The following OTOGL variants were observed in gnomAD, a reference collection of about 807,000 sequenced individuals.
OTOGL encodes the protein otogelin like.
A neutral mutation model predicts 318.5 loss-of-function variants in OTOGL; 285 were observed. That is an observed-to-expected ratio of 0.89 (90% CI 0.81 to 0.99). The LOEUF (loss-of-function observed/expected upper bound fraction) is 0.99, where lower values mean the gene tolerates loss of function less well. Ranked by LOEUF, OTOGL falls within the 50% of genes least tolerant of loss-of-function variation. The pLI is 0.00. For synonymous variants in OTOGL, 987 were observed against 936.5 expected (o/e 1.05, Z -0.99); for missense variants, 2,899 against 2,845.6 (o/e 1.02, Z -0.43).
intron 26 of OTOGL, among the ~76,000 whole-genome samples, chr12:80,296,437 C>T (rs1176383654): frequency 6.6e-6 from 1 of 152,102 alleles, no homozygotes; most frequent in African/African-American, 2.4e-5. Context: ...AATAATTATT[C>T]AGCCAGAAAT....
At chr12:80,184,509 A>G (rs1401984798) in intron 1 of OTOGL, among the ~76,000 whole-genome samples, 2 of 152,194 alleles carry the variant, frequency 1.3e-5, no homozygotes, top group Non-Finnish European at 2.9e-5. Context: ...TTTAATAGAC[A>G]AAAATTGTTT....
chr12:80,358,776 G>C lies in OTOGL; in HGVS notation c.6226+1G>C, dbSNP rs909325745. ...CAATGTTGCCCAACATGGCACTGTGGTAACTAATTTTCATATTTTAAGGTT... is the reference window on the plus strand; with the variant it reads ...CAATGTTGCCCAACATGGCACTGTGCTAACTAATTTTCATATTTTAAGGTT... On this transcript the variant is annotated splice_donor_variant, in intron 51 of 58. Transcript: ENST00000547103. LOFTEE classifies it high-confidence loss of function. 1 of 1,598,412 alleles carries C rather than the reference G, an allele frequency of 6.3e-7. No homozygotes were observed. Among genetic ancestry groups the C allele is most frequent in the Non-Finnish European group, 8.6e-7 (1 of 1,167,926 alleles).
rs1891385506 is a variant in OTOGL at position 80,380,232 on chromosome 12, T to G, written c.*2184T>G. 1 of 152,000 alleles carries G rather than the reference T, an allele frequency of 6.6e-6. No individual in the cohort carries two copies. The highest frequency in any genetic ancestry group is 1.5e-5 in the Non-Finnish European group (1 of 67,928). The allele number at this position is 152,000 out of a possible 1,614,324, so 9.4% of individuals were successfully genotyped here. A position where few individuals can be genotyped will look rare whatever the true frequency, so the allele number is the denominator to read the frequency against. On this transcript the variant is annotated 3_prime_UTR_variant, in exon 59 of 59. Coordinates refer to ENST00000547103, the MANE Select transcript of OTOGL (RefSeq NM_001378609.3). ...AGATTGGGGAGAGCCATTCTAATTG[T>G]GACTCAGTATCCAGATACCCCAAAT...
At chr12:80,306,671 C>A (rs561999194) in intron 29 of OTOGL, among the ~76,000 whole-genome samples, 2 of 151,968 alleles carry the variant, frequency 1.3e-5, no homozygotes, top group South Asian at 4.2e-4. Context: ...GAGACAAAAT[C>A]CTTTTAACTG....
chr12:80,217,301 T>C (rs1238490864), intron 4 of OTOGL, among the ~76,000 whole-genome samples: 1 of 144,578 alleles, frequency 6.9e-6, no homozygotes, highest in East Asian at 2.0e-4. Context: ...GACTGGATGA[T>C]GGGAAGGGGA....
chr12:80,235,231 G>A (rs535353765), intron 9 of OTOGL, among the ~76,000 whole-genome samples: 3 of 152,142 alleles, frequency 2.0e-5, no homozygotes, highest in Admixed American at 1.3e-4. Context: ...TTGGAAGGCC[G>A]AGGCAGGTGG....
intron 52 of OTOGL, among the ~76,000 whole-genome samples, chr12:80,360,428 CCT>C (rs1182253822): frequency 1.6e-4 from 18 of 110,962 alleles, no homozygotes; most frequent in Middle Eastern, 6.0e-3. Flanking sequence ...CTTTTCTCCC[CCT>C]CTCTCCCCCT....
rs1390307085 is a variant in OTOGL at position 80,367,639 on chromosome 12, A to C, written c.6410A>C (p.Asp2137Ala). The change falls in exon 54 of 59, where the codon GAC becomes GCC. Residue 2137 changes from aspartate to alanine, a missense_variant. Physicochemically the swap from Asp to Ala is moderately radical, Grantham distance 126 (BLOSUM62 -2). Around this residue, in one of 3 missense-constraint regions of OTOGL, gnomAD observed 289 missense variants for 304.6 expected, o/e 0.95. Transcript: ENST00000547103. Reference protein sequence around the residue: ...GQSMIKYLEEDFCYAIECLEE... With the variant: ...GQSMIKYLEEAFCYAIECLEE... ...TCCATGATAAAGTATTTGGAAGAAG[A>C]CTTTTGTTATGCTATAGAGTGTCTG... 6.5e-7 allele frequency: 1 copy of C among 1,536,416 alleles called. No individual in the cohort carries two copies. The highest frequency in any genetic ancestry group is 8.8e-7 in the Non-Finnish European group (1 of 1,131,046).
intron 2 of OTOGL, 41 bp downstream of exon 2, chr12:80,209,551 TTTTG>T: frequency 7.6e-7 from 1 of 1,324,100 alleles, no homozygotes; most frequent in Non-Finnish European, 1.0e-6. Flanking sequence ...TTTATTGTAT[TTTTG>T]TTTCTCTTAC....
At chr12:80,339,680 C>T (rs1375507305) in intron 43 of OTOGL, among the ~76,000 whole-genome samples, 1 of 151,860 alleles carries the variant, frequency 6.6e-6, no homozygotes, top group Non-Finnish European at 1.5e-5. Flanking sequence ...GCTTACATAT[C>T]TTTGTTTCCT....
intron 28 of OTOGL, among the ~76,000 whole-genome samples, chr12:80,303,516 A>G (rs1885912252): frequency 6.6e-6 from 1 of 152,176 alleles, no homozygotes; most frequent in Admixed American, 6.5e-5. Flanking sequence ...ATAGATTTTG[A>G]CAAATGCATT....
intron 25 of OTOGL, 111 bp downstream of exon 25, chr12:80,278,386 A>G (rs1244940931): frequency 5.7e-6 from 5 of 883,464 alleles, no homozygotes; most frequent in Non-Finnish European, 8.6e-6. Flanking sequence ...ATCAAGCCTC[A>G]GCAAATAATT....
rs539704734 is a variant in OTOGL, at chr12:80,318,835, A to G, written c.3802+122A>G. Reference sequence around the variant, plus strand: ...ATTTTTTAAAAGTGCTCTAAAGCATATGAAATAAAATATAACATTGGCATA... The same window carrying G: ...ATTTTTTAAAAGTGCTCTAAAGCATGTGAAATAAAATATAACATTGGCATA... On this transcript the variant is annotated intron_variant, in intron 33 of 58. Coordinates refer to ENST00000547103, the MANE Select transcript of OTOGL (RefSeq NM_001378609.3). 7 of 690,222 alleles carry G rather than the reference A, an allele frequency of 1.0e-5. No individual in the cohort carries two copies. The East Asian group carries it at 1.7e-4, about 17-fold the overall frequency. The allele number at this position is 690,222 out of a possible 1,614,324, so 42.8% of individuals were successfully genotyped here.
rs555905174 is a variant in OTOGL, at chr12:80,367,156, T to C, written c.6332-405T>C. Among the ~76,000 whole-genome samples the C allele has an allele frequency of 6.8e-4, 78 of 114,730 alleles. 1 individual carries two copies. In the South Asian group the frequency reaches 0.022, roughly 33 times the overall value. 75.3% of individuals were successfully genotyped at this position (114,730 alleles called of 152,430 possible). The stretch of plus-strand genomic sequence containing the variant: ...CATACCCAGCTTTTTTTTTTTTTTT[T>C]TGGAAATGGGGTCTTGCTATGTTTC... On this transcript the variant is annotated intron_variant, in intron 53 of 58. Coordinates refer to ENST00000547103, the MANE Select transcript of OTOGL (RefSeq NM_001378609.3).
intron 44 of OTOGL, chr12:80,343,419 A>G (rs557456137): frequency 6.6e-6 from 1 of 151,696 alleles, no homozygotes; most frequent in East Asian, 1.9e-4. Flanking sequence ...ATAATACCTA[A>G]TGCAAGGTAA....
intron 52 of OTOGL, among the ~76,000 whole-genome samples, chr12:80,363,493 T>G (rs1052974349): frequency 2.6e-5 from 4 of 152,132 alleles, no homozygotes; most frequent in Non-Finnish European, 4.4e-5. Context: ...AATGAAAGAC[T>G]GGCCTTTTGT....
chr12:80,142,091 CAA>C (rs1487388606), intron 1 of OTOGL, among the ~76,000 whole-genome samples: 1 of 151,738 alleles, frequency 6.6e-6, no homozygotes, highest in Non-Finnish European at 1.5e-5. Context: ...TGAAAGAAGA[CAA>C]AGAGAGAGGA....
chr12:80,238,809 C>T (rs1880092887), intron 9 of OTOGL, 42 bp from the exon 10 acceptor site: 2 of 1,441,274 alleles, frequency 1.4e-6, no homozygotes, highest in South Asian at 1.5e-5. Flanking sequence ...GATATGATTA[C>T]ACCTATTTGT....
chr12:80,316,944 T>C (rs1392288465), intron 32 of OTOGL, among the ~76,000 whole-genome samples: 2 of 152,176 alleles, frequency 1.3e-5, no homozygotes, highest in Non-Finnish European at 2.9e-5. Flanking sequence ...ACTTATAATA[T>C]TTAAAGCACA....
Sources: allele counts gnomAD v4.1 joint callset (sites outside exome capture counted in the v4.1 genomes callset), GRCh38; gene constraint gnomAD v4.1.1; regional missense constraint gnomAD v4.1.1; transcripts MANE v1.5; gene names NCBI Gene and HGNC (gene_info 2026-07-23, HGNC 2026-07-21).